The following TCOF1 variants were observed in gnomAD, a reference collection of about 807,000 sequenced individuals.
TCOF1 encodes treacle ribosome biogenesis factor 1, also known as treacle protein.
A neutral mutation model predicts 149.0 loss-of-function variants in TCOF1; 33 were observed. The observed-to-expected ratio is 0.22, with a 90% CI of 0.17 to 0.30. The LOEUF is 0.30. Among genes scored for constraint, TCOF1 ranks in the 10% least tolerant of loss-of-function variants. The probability of loss-of-function intolerance (pLI) is 1.00; values close to 1 mark genes in which losing one functional copy is unlikely to be tolerated. For missense variants in TCOF1, 1,728 were observed against 1,840.7 expected (o/e 0.94, Z 1.12); for synonymous variants, 789 against 738.8 (o/e 1.07, Z -1.10).
At chr5:150,359,263 C>T in intron 1 of TCOF1, among the ~76,000 whole-genome samples, 1 of 151,010 alleles carries the variant, frequency 6.6e-6, no homozygotes. Flanking sequence ...AGGAGAATCA[C>T]TTGAACCCAG....
At chr5:150,360,697 C>T (rs1416516676) in intron 1 of TCOF1, among the ~76,000 whole-genome samples, 5 of 151,096 alleles carry the variant, frequency 3.3e-5, no homozygotes, top group Non-Finnish European at 7.4e-5. Context: ...ACTGGCAGGG[C>T]CAAGCAGACA....
chr5:150,391,522 G>C, intron 19 of TCOF1, 22 bp from the exon 20 acceptor site: 1 of 1,601,952 alleles, frequency 6.2e-7, no homozygotes, highest in Non-Finnish European at 8.6e-7. Context: ...TGAGTCTGAG[G>C]GCTACCTCTT....
intron 17 of TCOF1, among the ~76,000 whole-genome samples, chr5:150,381,346 CAAG>C (rs1292385023): frequency 6.6e-6 from 1 of 152,224 alleles, no homozygotes; most frequent in Non-Finnish European, 1.5e-5. Flanking sequence ...GCCCCACCCT[CAAG>C]GAGCTCACAG....
rs748617864 is a variant in TCOF1, at chr5:150,368,743, G to T, written c.406G>T (p.Gly136Trp). The T allele has an allele frequency of 1.7e-5, 27 of 1,614,038 alleles. No individual in the cohort carries two copies. Among genetic ancestry groups the T allele is most frequent in the Non-Finnish European group, 2.2e-5 (26 of 1,180,018 alleles). Reference protein sequence around the residue: ...KAETEKAGKTGNSMPHPATGK... With the variant: ...KAETEKAGKTWNSMPHPATGK... ...AGAGACAGAGAAAGCTGGCAAGACTGGGAATTCCATGCCACACCCTGCCAC... is the reference window on the plus strand; with the variant it reads ...AGAGACAGAGAAAGCTGGCAAGACTTGGAATTCCATGCCACACCCTGCCAC... The change falls in exon 5 of 27, where the codon GGG becomes TGG. Residue 136 changes from glycine to tryptophan, a missense_variant. By Grantham distance (184) the Gly-to-Trp change is radical. Coordinates refer to ENST00000643257, the MANE Select transcript of TCOF1 (RefSeq NM_001371623.1).
intron 2 of TCOF1, among the ~76,000 whole-genome samples, chr5:150,362,248 T>C (rs1365472690): frequency 6.6e-6 from 1 of 152,194 alleles, no homozygotes; most frequent in Non-Finnish European, 1.5e-5. Flanking sequence ...TTATGTACTC[T>C]TCAAGGAAGG....
chr5:150,371,189 C>T (rs1055187031), intron 6 of TCOF1, among the ~76,000 whole-genome samples: 1 of 152,166 alleles, frequency 6.6e-6, no homozygotes, highest in Non-Finnish European at 1.5e-5. Context: ...GAACTTCTCA[C>T]TTTACTGTGC....
intron 3 of TCOF1, among the ~76,000 whole-genome samples, chr5:150,364,573 G>A (rs1191487666): frequency 6.6e-6 from 1 of 152,212 alleles, no homozygotes; most frequent in Non-Finnish European, 1.5e-5. Context: ...ACGTTCAGAA[G>A]TACTGCTGGA....
rs1398786369 is a variant in TCOF1, at chr5:150,369,571, C to T, written c.608C>T (p.Thr203Ile). The change falls in exon 6 of 27, where the codon ACC (threonine) becomes ATC (isoleucine). Residue 203 changes from threonine to isoleucine, a missense_variant. Transcript: ENST00000643257. ...CAGGCCGACAGCTCCAGCGAGGACA[C>T]CTCCAGCTCCAGTGATGAGACAGAC... ...AGQADSSSED[T>I]SSSSDETDVE... 6.2e-7 allele frequency: 1 copy of T among 1,614,150 alleles called. No homozygotes were observed. Among genetic ancestry groups the T allele is most frequent in the Admixed American group, 1.7e-5 (1 of 60,028 alleles).
Position 150,366,901 on chromosome 5 carries a change from G to C in TCOF1, c.305-943G>C, listed in dbSNP as rs1167049246. 3.5e-4 allele frequency among the ~76,000 whole-genome samples: 6 copies of C among 17,230 alleles called. 1 individual carries two copies. The highest frequency in any genetic ancestry group is 6.9e-4 in the Admixed American group (2 of 2,908). The allele number at this position is 17,230 out of a possible 152,430, so 11.3% of individuals were successfully genotyped here. ...GATCTCCTGACCTCATGATCCACCC[G>C]CCTCGGCCTCCCAAAGTGCTGGGAT... On this transcript the variant is annotated intron_variant, in intron 3 of 26. Transcript: ENST00000643257.
chr5:150,399,056 C>T lies in TCOF1; in HGVS notation c.*8C>T, dbSNP rs1216347183. ...GCAGAGCAGACTGTATGACGAGCAC[C>T]AGCACCAGGCACAGGTACGCTTCCC... On this transcript the variant is annotated 3_prime_UTR_variant, in exon 26 of 27. Coordinates refer to ENST00000643257, the MANE Select transcript of TCOF1 (RefSeq NM_001371623.1). The T allele has an allele frequency of 6.2e-7, 1 of 1,614,250 alleles. No individual in the cohort carries two copies. The highest frequency in any genetic ancestry group is 8.5e-7 in the Non-Finnish European group (1 of 1,180,038).
chr5:150,361,614 A>T (rs142837704), intron 2 of TCOF1, among the ~76,000 whole-genome samples: 1 of 152,362 alleles, frequency 6.6e-6, no homozygotes, highest in East Asian at 1.9e-4. Context: ...AAACAAATGA[A>T]TGTTAAATTA....
In TCOF1 at chr5:150,399,050, G is replaced by A. The variant is rs138268514; in HGVS notation, c.*2G>A. 82 of 1,614,218 alleles carry A rather than the reference G, an allele frequency of 5.1e-5. 2 individuals carry two copies. In the South Asian group the frequency reaches 6.8e-4, roughly 13 times the overall value. On this transcript the variant is annotated 3_prime_UTR_variant, in exon 26 of 27. Coordinates refer to ENST00000643257, the MANE Select transcript of TCOF1 (RefSeq NM_001371623.1). ...AAGACAGCAGAGCAGACTGTATGAC[G>A]AGCACCAGCACCAGGCACAGGTACG...
rs771660013 is a variant in TCOF1 at position 150,391,982 on chromosome 5, C to T, written c.3323C>T (p.Pro1108Leu). ...SGVDSAVGTLPATSPQSTSVQ... is the reference protein window; with the variant it reads ...SGVDSAVGTLLATSPQSTSVQ... Reference sequence around the variant, plus strand: ...GTTGACAGTGCTGTGGGAACACTCCCTGCAACAAGTCCCCAGAGCACCTCC... The same window carrying T: ...GTTGACAGTGCTGTGGGAACACTCCTTGCAACAAGTCCCCAGAGCACCTCC... Residue 1108 changes from proline to leucine, a missense_variant, in exon 21 of 27, where the codon CCT becomes CTT. By Grantham distance (98) the Pro-to-Leu change is moderately conservative. Coordinates refer to ENST00000643257, the MANE Select transcript of TCOF1 (RefSeq NM_001371623.1). 6 of 1,614,086 alleles carry T rather than the reference C, an allele frequency of 3.7e-6. No individual in the cohort carries two copies. The highest frequency in any genetic ancestry group is 5.1e-6 in the Non-Finnish European group (6 of 1,180,040).
chr5:150,380,721 G>C (rs913551183), intron 17 of TCOF1: 14 of 152,406 alleles, frequency 9.2e-5, no homozygotes, highest in African/African-American at 2.9e-4. Flanking sequence ...AGGAATGATA[G>C]ATGTCGGCCG....
chr5:150,374,159 T>C lies in TCOF1; in HGVS notation c.871-15T>C. 6.2e-7 allele frequency: 1 copy of C among 1,607,974 alleles called. No individual in the cohort carries two copies. Among genetic ancestry groups the C allele is most frequent in the Non-Finnish European group, 8.5e-7 (1 of 1,177,422 alleles). On this transcript the variant is annotated splice_polypyrimidine_tract_variant and intron_variant, in intron 7 of 26. Transcript: ENST00000643257. ...TCACAAGCAGGAGAGCAAGCTGCCC[T>C]TTCTTTTTCACCAGGTAAAGGCCTC...
At chr5:150,358,545 G>A (rs1759215722) in intron 1 of TCOF1, among the ~76,000 whole-genome samples, 2 of 152,188 alleles carry the variant, frequency 1.3e-5, no homozygotes, top group Admixed American at 6.5e-5. Flanking sequence ...TGTTAAGAAT[G>A]AGAGGGATGG....
chr5:150,357,984 GC>G, intron 1 of TCOF1, 130 bp downstream of exon 1: 1 of 866,298 alleles, frequency 1.2e-6, no homozygotes, highest in Non-Finnish European at 1.7e-6. Context: ...CGACGGCGCG[GC>G]CAGGGGTACC....
intron 14 of TCOF1, 31 bp downstream of exon 14, chr5:150,376,651 C>T (rs1385166051): frequency 1.9e-6 from 3 of 1,548,584 alleles, no homozygotes; most frequent in African/African-American, 1.4e-5. Flanking sequence ...GCCCATCCCA[C>T]CCACACCTGT....
chr5:150,381,383 G>A (rs1265399154), intron 17 of TCOF1, among the ~76,000 whole-genome samples: 2 of 152,220 alleles, frequency 1.3e-5, no homozygotes, highest in Non-Finnish European at 2.9e-5. Context: ...ACAGGTGACC[G>A]GATTATCGCA....
Sources: allele counts gnomAD v4.1 joint callset (sites outside exome capture counted in the v4.1 genomes callset), GRCh38; gene constraint gnomAD v4.1.1; transcripts MANE v1.5; gene names NCBI Gene and HGNC (gene_info 2026-07-23, HGNC 2026-07-21).